SGF29: variants seen among roughly 807,000 people sequenced by gnomAD.
SGF29 encodes SAGA complex associated factor 29.
SGF29 carries 15 observed loss-of-function variants against 38.1 expected under a neutral mutation model. The observed-to-expected ratio is 0.39, with a 90% CI of 0.26 to 0.61. The LOEUF is 0.61. Among genes scored for constraint, SGF29 ranks in the 20% least tolerant of loss-of-function variants. SGF29 has a pLI of 0.49. For missense variants in SGF29, 184 were observed against 394.6 expected (o/e 0.47, Z 4.52); for synonymous variants, 151 against 160.8 (o/e 0.94, Z 0.46).
chr16:28,576,090 A>G (rs2046891094), intron 1 of SGF29, among the ~76,000 whole-genome samples: 1 of 152,236 alleles, frequency 6.6e-6, no homozygotes, highest in Admixed American at 6.5e-5. Context: ...TGGAAACAGC[A>G]TGCAGCTCCT....
At position 28,575,078 on chromosome 16, in the gene SGF29, C is replaced by T. The variant is rs2046885079; in HGVS notation, c.-15-5977C>T. Among the ~76,000 whole-genome samples, 3 of 152,244 alleles carry T rather than the reference C, an allele frequency of 2.0e-5. No individual in the cohort carries two copies. The South Asian group carries it at 6.2e-4, about 32-fold the overall frequency. On this transcript the variant is annotated intron_variant, in intron 1 of 9. Coordinates refer to ENST00000317058, the MANE Select transcript of SGF29 (RefSeq NM_138414.3). The stretch of plus-strand genomic sequence containing the variant: ...GTCACACCATCTTGATGTTATCATA[C>T]TTCAGTTGTCCAGTGCATCCCTTCT...
intron 3 of SGF29, chr16:28,585,435 C>T (rs2046950945): frequency 2.0e-5 from 12 of 599,400 alleles, no homozygotes; most frequent in African/African-American, 3.7e-5. Flanking sequence ...ACAGTACTCT[C>T]GCAGATGTAG....
At chr16:28,591,272 C>T (rs1280546848) in intron 9 of SGF29, among the ~76,000 whole-genome samples, 1 of 152,198 alleles carries the variant, frequency 6.6e-6, no homozygotes, top group Non-Finnish European at 1.5e-5. Context: ...CCCTGCCTGC[C>T]ACCCTCTGGG....
intron 1 of SGF29, among the ~76,000 whole-genome samples, chr16:28,567,999 A>G (rs2046843981): frequency 6.6e-6 from 1 of 151,950 alleles, no homozygotes; most frequent in Non-Finnish European, 1.5e-5. Flanking sequence ...AAAGGGAATG[A>G]GGAGTGGGCT....
intron 1 of SGF29, among the ~76,000 whole-genome samples, chr16:28,555,756 C>G (rs1010945098): frequency 6.6e-6 from 1 of 152,210 alleles, no homozygotes; most frequent in Non-Finnish European, 1.5e-5. Flanking sequence ...TAAAGTTAAC[C>G]ATCACATTTC....
intron 2 of SGF29, among the ~76,000 whole-genome samples, chr16:28,584,028 C>A (rs192703336): frequency 1.9e-4 from 26 of 138,008 alleles, no homozygotes; most frequent in African/African-American, 6.8e-4. Context: ...TTAATGCCTT[C>A]TTTTTTTTTT....
rs2046979739 is a variant in SGF29 at position 28,590,173 on chromosome 16, C to T, written c.367C>T (p.Leu123=). 9 of 1,610,988 alleles carry T rather than the reference C, an allele frequency of 5.6e-6. No individual in the cohort carries two copies. The highest frequency in any genetic ancestry group is 1.1e-5 in the South Asian group (1 of 90,226). ...GCGCAGAGGGGTGCTGATGACCCTG[C>T]TGCAGCAGTCGGCCATGACCCTGCC... ...TMRRGVLMTL[L]QQSAMTLPLW... The change falls in exon 6 of 10, where the codon CTG becomes TTG. Residue 123 remains leucine, a synonymous_variant. Coordinates refer to ENST00000317058, the MANE Select transcript of SGF29 (RefSeq NM_138414.3). The surrounding 1 kb of genome is among the most constrained non-coding windows in gnomAD (Gnocchi z 8.2).
chr16:28,555,215 GCACTTTGGGA>G lies in SGF29; in HGVS notation c.-16+1119_-16+1128del, dbSNP rs2046741612. Among the ~76,000 whole-genome samples the G allele has an allele frequency of 5.3e-5, 8 of 152,184 alleles. No individual in the cohort carries two copies. The South Asian group carries it at 1.5e-3, about 28-fold the overall frequency. On this transcript the variant is annotated intron_variant, in intron 1 of 9. Transcript: ENST00000317058. ...GCGGTGGCTCATGCGTGTAATCCTAGCACTTTGGGAGGCCGAGGTGGGCAGACTGCCTGAG... is the reference window on the plus strand; with the variant it reads ...GCGGTGGCTCATGCGTGTAATCCTAGGGCCGAGGTGGGCAGACTGCCTGAG...
chr16:28,581,263 T>A, intron 2 of SGF29, 119 bp downstream of exon 2: 1 of 886,614 alleles, frequency 1.1e-6, no homozygotes, highest in Non-Finnish European at 1.8e-6. Context: ...AATGACGTAA[T>A]AAAAGTGAAA....
In SGF29 at chr16:28,584,907, T is replaced by C; in HGVS notation, c.76-6T>C. ...CCGTCATGTCCTGCTGCTCTTTTCC[T>C]TACAGGAAGAGCGTTCGCGGAGCGA... On this transcript the variant is annotated splice_polypyrimidine_tract_variant and splice_region_variant and intron_variant, in intron 2 of 9. Coordinates refer to ENST00000317058, the MANE Select transcript of SGF29 (RefSeq NM_138414.3). The C allele has an allele frequency of 6.2e-7, 1 of 1,612,616 alleles. No homozygotes were observed. The highest frequency in any genetic ancestry group is 8.5e-7 in the Non-Finnish European group (1 of 1,179,238).
rs1479330509 is a variant in SGF29 at position 28,590,233 on chromosome 16, C to T, written c.419+8C>T. Reference sequence around the variant, plus strand: ...CGGGAAGCCTGGTGACAAGTGAGGGCAGCAGCTGCGAGGGAGGGGCTGGTG... The same window carrying T: ...CGGGAAGCCTGGTGACAAGTGAGGGTAGCAGCTGCGAGGGAGGGGCTGGTG... On this transcript the variant is annotated splice_region_variant and intron_variant, in intron 6 of 9. Transcript: ENST00000317058. The surrounding 1 kb of genome is among the most constrained non-coding windows in gnomAD (Gnocchi z 8.2). The T allele has an allele frequency of 3.1e-6, 5 of 1,610,224 alleles. No individual in the cohort carries two copies. Among genetic ancestry groups the T allele is most frequent in the Non-Finnish European group, 3.4e-6 (4 of 1,178,568 alleles).
Position 28,584,928 on chromosome 16 carries a change from A to T in SGF29, c.91A>T (p.Ser31Cys), listed in dbSNP as rs1282090211. The T allele has an allele frequency of 3.7e-6, 6 of 1,613,278 alleles. No homozygotes were observed. Among genetic ancestry groups the T allele is most frequent in the Non-Finnish European group, 5.1e-6 (6 of 1,179,634 alleles). The change falls in exon 3 of 10, where the codon AGC becomes TGC. Residue 31 changes from serine (S) to cysteine (C), a missense_variant. By Grantham distance (112) the Ser-to-Cys change is moderately radical. This residue lies in a region of SGF29 where 77 missense variants were observed against 117.7 expected (regional missense o/e 0.65). Transcript: ENST00000317058. ...IKQTQEERSR[S>C]EHNLVNIQKT... ...TTCCTTACAGGAAGAGCGTTCGCGG[A>T]GCGAACACAACTTAGTGAACATCCA...
chr16:28,564,739 ATATATGTATATATATG>A (rs1340973745), intron 1 of SGF29, among the ~76,000 whole-genome samples: 32 of 6,198 alleles, frequency 5.2e-3, no homozygotes, highest in Non-Finnish European at 8.3e-3. Context: ...ATATATATGT[ATATATGTATATATATG>A]TATATATGTA....
rs763997894 is a variant in SGF29, at chr16:28,585,112, G to A, written c.151+124G>A. ...TGCATGTATCTGCATATTCCAAAATGCAGCAGGAGGGACAGCTTTCCGTTA... is the reference window on the plus strand; with the variant it reads ...TGCATGTATCTGCATATTCCAAAATACAGCAGGAGGGACAGCTTTCCGTTA... On this transcript the variant is annotated intron_variant, in intron 3 of 9. Coordinates refer to ENST00000317058, the MANE Select transcript of SGF29 (RefSeq NM_138414.3). 28 of 699,824 alleles carry A rather than the reference G, an allele frequency of 4.0e-5. No homozygotes were observed. In the South Asian group the frequency reaches 4.5e-4, roughly 11 times the overall value. The allele number at this position is 699,824 out of a possible 1,614,324, so 43.4% of individuals were successfully genotyped here.
chr16:28,577,724 C>A (rs777156141), intron 1 of SGF29, among the ~76,000 whole-genome samples: 89 of 152,118 alleles, frequency 5.9e-4, no homozygotes, highest in Non-Finnish European at 2.6e-4. Flanking sequence ...GCTAATGATA[C>A]GGAGCATCTT....
intron 5 of SGF29, among the ~76,000 whole-genome samples, chr16:28,589,616 G>A (rs1164664012): frequency 6.6e-6 from 1 of 152,250 alleles, no homozygotes; most frequent in African/African-American, 2.4e-5. Context: ...TCCCCACACA[G>A]CCATGCTGGT....
At chr16:28,574,083 C>T (rs1292540001) in intron 1 of SGF29, among the ~76,000 whole-genome samples, 2 of 152,196 alleles carry the variant, frequency 1.3e-5, no homozygotes, top group Non-Finnish European at 2.9e-5. Flanking sequence ...AATCTCACTT[C>T]TTGCCTGTTA....
At position 28,568,949 on chromosome 16, in the gene SGF29, G is replaced by A. The variant is rs185600596; in HGVS notation, c.-15-12106G>A. 1.4e-3 allele frequency among the ~76,000 whole-genome samples: 210 copies of A among 149,434 alleles called. No homozygotes were observed. The Middle Eastern group carries it at 0.014, about 10-fold the overall frequency. ...AAAAAAAATACAAAATTAGACGGGC[G>A]TGGTGGCGTGTGCCTGTAATCCCAG... On this transcript the variant is annotated intron_variant, in intron 1 of 9. Transcript: ENST00000317058.
At chr16:28,572,597 G>A (rs1438264243) in intron 1 of SGF29, among the ~76,000 whole-genome samples, 1 of 152,188 alleles carries the variant, frequency 6.6e-6, no homozygotes, top group African/African-American at 2.4e-5. Flanking sequence ...GCGTGTTGCA[G>A]AGTCCATGTC....
Sources: allele counts gnomAD v4.1 joint callset (sites outside exome capture counted in the v4.1 genomes callset), GRCh38; gene constraint gnomAD v4.1.1; regional missense constraint gnomAD v4.1.1; non-coding constraint Gnocchi (gnomAD v3.1); transcripts MANE v1.5; gene names NCBI Gene and HGNC (gene_info 2026-07-23, HGNC 2026-07-21).